CDKAL1: variants seen among roughly 807,000 people sequenced by gnomAD.
The protein encoded by CDKAL1 is threonylcarbamoyladenosine tRNA methylthiotransferase.
In CDKAL1, 32 loss-of-function variants were observed where a neutral mutation model predicts 68.2. The ratio of observed to expected loss-of-function variants is 0.47; its 90% confidence interval spans 0.35 to 0.63. The LOEUF (loss-of-function observed/expected upper bound fraction) is 0.63, where lower values mean the gene tolerates loss of function less well. CDKAL1 is among the 30% of genes least tolerant of loss of function. CDKAL1 has a pLI of 0.00. For synonymous variants in CDKAL1, 234 were observed against 244.3 expected (o/e 0.96, Z 0.39); for missense variants, 606 against 696.7 (o/e 0.87, Z 1.47).
chr6:20,804,829 A>G (rs1316834887), intron 8 of CDKAL1, among the ~76,000 whole-genome samples: 2 of 152,084 alleles, frequency 1.3e-5, no homozygotes, highest in East Asian at 3.9e-4. Flanking sequence ...TGATAAAAGC[A>G]TTTTTCCTGC....
rs1561931956 is a variant in CDKAL1 at position 20,568,753 on chromosome 6, A to AAAAAAAAAAAAAAAAAC, written c.286+20053_286+20054insAAAAAAAAAAACAAAAA. Among the ~76,000 whole-genome samples, 45 of 127,504 alleles carry AAAAAAAAAAAAAAAAAC rather than the reference A, an allele frequency of 3.5e-4. 2 individuals carry two copies. Among genetic ancestry groups the AAAAAAAAAAAAAAAAAC allele is most frequent in the Middle Eastern group, 4.3e-3 (1 of 230 alleles). The allele number at this position is 127,504 out of a possible 152,430, so 83.6% of individuals were successfully genotyped here. ...CCGCCTCAAAAAAAAAAAAAAAACA[A>AAAAAAAAAAAAAAAAAC]AAAAACAAAAAAACAAAGAAATGTG... On this transcript the variant is annotated intron_variant, in intron 4 of 15. Transcript: ENST00000274695.
intron 5 of CDKAL1, among the ~76,000 whole-genome samples, chr6:20,654,694 A>G (rs1418943474): frequency 6.6e-6 from 1 of 152,070 alleles, no homozygotes; most frequent in African/African-American, 2.4e-5. Flanking sequence ...TTTCAGTATC[A>G]TTTATTTATT....
chr6:21,208,902 T>C (rs1779041717), intron 15 of CDKAL1, among the ~76,000 whole-genome samples: 1 of 152,200 alleles, frequency 6.6e-6, no homozygotes. Flanking sequence ...GTGTACCAAT[T>C]TGAGTACCAT....
chr6:21,125,280 G>T (rs1774941382), intron 13 of CDKAL1, among the ~76,000 whole-genome samples: 1 of 152,106 alleles, frequency 6.6e-6, no homozygotes, highest in Non-Finnish European at 1.5e-5. Flanking sequence ...CTCCTTCCTA[G>T]CGTCATGTGA....
intron 8 of CDKAL1, among the ~76,000 whole-genome samples, chr6:20,783,055 G>T (rs779411429): frequency 6.6e-6 from 1 of 151,780 alleles, no homozygotes; most frequent in Non-Finnish European, 1.5e-5. Context: ...TCAGCCTCCC[G>T]AGTAACTGGG....
intron 5 of CDKAL1, among the ~76,000 whole-genome samples, chr6:20,735,891 CCT>C (rs1179877009): frequency 6.6e-6 from 1 of 152,152 alleles, no homozygotes; most frequent in Admixed American, 6.6e-5. Context: ...TGTTTGTACA[CCT>C]CTATAAAACT....
At chr6:20,695,250 C>T (rs983978111) in intron 5 of CDKAL1, among the ~76,000 whole-genome samples, 1 of 152,122 alleles carries the variant, frequency 6.6e-6, no homozygotes, top group Non-Finnish European at 1.5e-5. Context: ...CAAACTTTAG[C>T]GCTGATGGGA....
chr6:21,039,428 C>T (rs1056908256), intron 11 of CDKAL1, among the ~76,000 whole-genome samples: 1 of 152,190 alleles, frequency 6.6e-6, no homozygotes, highest in Non-Finnish European at 1.5e-5. Context: ...AGGAATTTCA[C>T]TCAGCAATTA....
chr6:20,871,285 C>G (rs1004889445), intron 9 of CDKAL1, among the ~76,000 whole-genome samples: 1 of 152,084 alleles, frequency 6.6e-6, no homozygotes, highest in African/African-American at 2.4e-5. Context: ...AGCTGTGTGT[C>G]TAATAATTAC....
At chr6:20,940,963 G>A (rs1465015532) in intron 9 of CDKAL1, among the ~76,000 whole-genome samples, 6 of 151,982 alleles carry the variant, frequency 3.9e-5, no homozygotes, top group East Asian at 3.9e-4. Flanking sequence ...GGTGGTGGGC[G>A]CCTGTAGTCC....
Position 20,846,325 on chromosome 6 carries a change from C to T in CDKAL1, c.742+147C>T, listed in dbSNP as rs1581690256. 3 of 577,342 alleles carry T rather than the reference C, an allele frequency of 5.2e-6. No homozygotes were observed. In the East Asian group the frequency reaches 8.7e-5, roughly 17 times the overall value. 35.8% of individuals were successfully genotyped at this position (577,342 alleles called of 1,614,324 possible). ...GAACTTAATTAATAAAAGATGTGAC[C>T]AGAGTTAATCACTTAGTTTATTTTT... is the stretch of plus-strand genomic sequence containing the variant. On this transcript the variant is annotated intron_variant, in intron 9 of 15. Transcript: ENST00000274695.
intron 13 of CDKAL1, among the ~76,000 whole-genome samples, chr6:21,164,840 G>A (rs951338402): frequency 2.0e-5 from 3 of 152,050 alleles, no homozygotes; most frequent in Non-Finnish European, 4.4e-5. Flanking sequence ...TTCATCAACA[G>A]CATGTATACA....
At chr6:20,862,287 G>A (rs576335953) in intron 9 of CDKAL1, among the ~76,000 whole-genome samples, 1 of 152,248 alleles carries the variant, frequency 6.6e-6, no homozygotes, top group African/African-American at 2.4e-5. Context: ...TAAGAGCAGC[G>A]ATTCAGTTAA....
chr6:20,576,652 G>A (rs1012627), intron 4 of CDKAL1, among the ~76,000 whole-genome samples: 62,852 of 151,976 alleles, frequency 0.41, 13,205 homozygotes, highest in East Asian at 0.53. Context: ...GCAATGCTTA[G>A]CGCCTTCTGT....
At chr6:21,067,732 A>G (rs1211574298) in intron 12 of CDKAL1, among the ~76,000 whole-genome samples, 1 of 152,072 alleles carries the variant, frequency 6.6e-6, no homozygotes, top group African/African-American at 2.4e-5. Context: ...TAGGAGTGTA[A>G]TCGCTGAGTC....
chr6:21,064,797 A>C (rs1273891975), intron 11 of CDKAL1, among the ~76,000 whole-genome samples: 1 of 152,220 alleles, frequency 6.6e-6, no homozygotes, highest in Non-Finnish European at 1.5e-5. Context: ...ATTAGCATCT[A>C]TTTTTAAATA....
At chr6:20,748,971 G>GTATGTGTATATATATATGTATATA (rs1211900676) in intron 6 of CDKAL1, among the ~76,000 whole-genome samples, 2,161 of 140,146 alleles carry the variant, frequency 0.015, 42 homozygotes, top group African/African-American at 0.054. Flanking sequence ...ATATGTATAT[G>GTATGTGTATATATATATGTATATA]TATGTGTATA....
At chr6:20,970,550 T>A (rs1431505865) in intron 10 of CDKAL1, among the ~76,000 whole-genome samples, 1 of 152,208 alleles carries the variant, frequency 6.6e-6, no homozygotes, top group East Asian at 1.9e-4. Flanking sequence ...ACCATCAATA[T>A]GTGAAGTTGA....
intron 11 of CDKAL1, among the ~76,000 whole-genome samples, chr6:21,049,487 T>C (rs1399923598): frequency 6.6e-6 from 1 of 152,148 alleles, no homozygotes; most frequent in African/African-American, 2.4e-5. Context: ...TAATAACAGA[T>C]GTGTAAAAAT....
Sources: allele counts gnomAD v4.1 joint callset (sites outside exome capture counted in the v4.1 genomes callset), GRCh38; gene constraint gnomAD v4.1.1; transcripts MANE v1.5; gene names NCBI Gene and HGNC (gene_info 2026-07-23, HGNC 2026-07-21).